P2RY1: variants seen among roughly 807,000 people sequenced by gnomAD.
P2RY1 encodes purinergic receptor P2Y1.
P2RY1 carries 14 observed loss-of-function variants against 22.8 expected under a neutral mutation model. The ratio of observed to expected loss-of-function variants is 0.61; its 90% CI spans 0.41 to 0.96. P2RY1 has a LOEUF of 0.96. P2RY1 is among the 40% of genes least tolerant of loss of function. The pLI is 0.00. For missense variants in P2RY1, 395 were observed against 470.3 expected (o/e 0.84, Z 1.48); for synonymous variants, 200 against 195.1 (o/e 1.03, Z -0.21).
At position 152,840,786 on chromosome 3, in the gene P2RY1, C is replaced by T. The variant is rs994312261; in HGVS notation, c.*3882C>T. 2.6e-5 allele frequency: 4 copies of T among 152,146 alleles called. No individual in the cohort carries two copies. Among genetic ancestry groups the T allele is most frequent in the Non-Finnish European group, 5.9e-5 (4 of 68,014 alleles). 9.4% of individuals were successfully genotyped at this position (152,146 alleles called of 1,614,324 possible). ...AGTAACACACTACCAGCGAGTTCAA[C>T]ACTGCTATTGATTTTAATCTGTTTT... is the stretch of plus-strand genomic sequence containing the variant. On this transcript the variant is annotated 3_prime_UTR_variant, in exon 1 of 1. Transcript: ENST00000305097.
Position 152,836,133 on chromosome 3 carries a change from G to A in P2RY1, c.351G>A (p.Trp117Ter). ...LIFYYFNKTD[W>*]IFGDAMCKLQ... is the part of the protein sequence containing the mutation. ...TCTACTACTTCAATAAAACAGACTG[G>A]ATCTTCGGGGATGCCATGTGTAAAC... The change falls in exon 1 of 1, where the codon TGG becomes TGA. Residue 117 changes from tryptophan (W) to a stop codon, truncating the protein, a stop_gained. Coordinates refer to ENST00000305097, the MANE Select transcript of P2RY1 (RefSeq NM_002563.5). LOFTEE classifies it high-confidence loss of function. The surrounding 1 kb of genome is among the most constrained non-coding windows in gnomAD (Gnocchi z 5.6). 6.2e-7 allele frequency: 1 copy of A among 1,614,136 alleles called. No homozygotes were observed. The highest frequency in any genetic ancestry group is 8.5e-7 in the Non-Finnish European group (1 of 1,180,028).
chr3:152,841,263 TTGTGTGTGTGTGTGTGTG>T lies in P2RY1; in HGVS notation c.*4377_*4394del, dbSNP rs56261476. On this transcript the variant is annotated 3_prime_UTR_variant, in exon 1 of 1. Transcript: ENST00000305097. ...TTTGCATGTAAGAGTATGCAAAACC[TTGTGTGTGTGTGTGTGTG>T]TGTGTGTGTGTGTGTGTCTTAGTGT... The T allele has an allele frequency of 6.9e-6, 1 of 145,882 alleles. No homozygotes were observed. Among genetic ancestry groups the T allele is most frequent in the African/African-American group, 2.5e-5 (1 of 39,998 alleles). The allele number at this position is 145,882 out of a possible 1,614,324, so 9.0% of individuals were successfully genotyped here. A position where few individuals can be genotyped will look rare whatever the true frequency, so the allele number is the denominator to read the frequency against.
Position 152,837,116 on chromosome 3 carries a change from A to T in P2RY1, c.*212A>T. ...GTCTCTCTTCCTTCTGACTAGAAGT[A>T]TGTATAATAAAACAATACTACCTAG... On this transcript the variant is annotated 3_prime_UTR_variant, in exon 1 of 1. Coordinates refer to ENST00000305097, the MANE Select transcript of P2RY1 (RefSeq NM_002563.5). 1 of 552,360 alleles carries T rather than the reference A, an allele frequency of 1.8e-6. No individual in the cohort carries two copies. The allele number at this position is 552,360 out of a possible 1,614,324, so 34.2% of individuals were successfully genotyped here.
rs1716261442 is a variant in P2RY1, at chr3:152,840,027, T to C, written c.*3123T>C. 1 of 152,176 alleles carries C rather than the reference T, an allele frequency of 6.6e-6. No homozygotes were observed. Among genetic ancestry groups the C allele is most frequent in the South Asian group, 2.1e-4 (1 of 4,822 alleles). The allele number at this position is 152,176 out of a possible 1,614,324, so 9.4% of individuals were successfully genotyped here. A position where few individuals can be genotyped will look rare whatever the true frequency, so the allele number is the denominator to read the frequency against. ...TGAAGCTTAAACTTTGCTGGTCAGG[T>C]TGTAGCTATTGTAAAAGTATTTATT... is the stretch of plus-strand genomic sequence containing the variant. On this transcript the variant is annotated 3_prime_UTR_variant, in exon 1 of 1. Transcript: ENST00000305097.
chr3:152,837,080 T>G lies in P2RY1; in HGVS notation c.*176T>G. On this transcript the variant is annotated 3_prime_UTR_variant, in exon 1 of 1. Transcript: ENST00000305097. ...ACATCCACACTTAGCTTGTTTGGGT[T>G]TGCTTTCACAGTCTCTCTTCCTTCT... The G allele has an allele frequency of 1.7e-6, 1 of 603,806 alleles. No homozygotes were observed. The highest frequency in any genetic ancestry group is 2.3e-5 in the South Asian group (1 of 44,206). The allele number at this position is 603,806 out of a possible 1,614,324, so 37.4% of individuals were successfully genotyped here. A position where few individuals can be genotyped will look rare whatever the true frequency, so the allele number is the denominator to read the frequency against.
rs1480952532 is a variant in P2RY1 at position 152,838,518 on chromosome 3, T to C, written c.*1614T>C. On this transcript the variant is annotated 3_prime_UTR_variant, in exon 1 of 1. Coordinates refer to ENST00000305097, the MANE Select transcript of P2RY1 (RefSeq NM_002563.5). ...GGTGGCATAACTTGTTTGAAAGCACTTTACAAGTAGAGCAACATGGGGCTG... is the reference window on the plus strand; with the variant it reads ...GGTGGCATAACTTGTTTGAAAGCACCTTACAAGTAGAGCAACATGGGGCTG... 1 of 152,204 alleles carries C rather than the reference T, an allele frequency of 6.6e-6. No individual in the cohort carries two copies. The highest frequency in any genetic ancestry group is 2.4e-5 in the African/African-American group (1 of 41,454). 9.4% of individuals were successfully genotyped at this position (152,204 alleles called of 1,614,324 possible).
Position 152,840,425 on chromosome 3 carries a change from G to A in P2RY1, c.*3521G>A, listed in dbSNP as rs1399792328. On this transcript the variant is annotated 3_prime_UTR_variant, in exon 1 of 1. Coordinates refer to ENST00000305097, the MANE Select transcript of P2RY1 (RefSeq NM_002563.5). Reference sequence around the variant, plus strand: ...TGAATATAAAATATCTTAGCCAAATGGGGTCTGTATTGTCTACATTTTATA... The same window carrying A: ...TGAATATAAAATATCTTAGCCAAATAGGGTCTGTATTGTCTACATTTTATA... The A allele has an allele frequency of 6.6e-6, 1 of 152,084 alleles. No homozygotes were observed. Among genetic ancestry groups the A allele is most frequent in the Non-Finnish European group, 1.5e-5 (1 of 67,998 alleles). 9.4% of individuals were successfully genotyped at this position (152,084 alleles called of 1,614,324 possible). A position where few individuals can be genotyped will look rare whatever the true frequency, so the allele number is the denominator to read the frequency against.
At position 152,836,949 on chromosome 3, in the gene P2RY1, A is replaced by T. The variant is rs778362503; in HGVS notation, c.*45A>T. The T allele has an allele frequency of 7.0e-7, 1 of 1,433,898 alleles. No individual in the cohort carries two copies. The highest frequency in any genetic ancestry group is 9.5e-7 in the Non-Finnish European group (1 of 1,051,988). 88.8% of individuals were successfully genotyped at this position (1,433,898 alleles called of 1,614,324 possible). A position where few individuals can be genotyped will look rare whatever the true frequency, so the allele number is the denominator to read the frequency against. The stretch of plus-strand genomic sequence containing the variant: ...CACCTCTCTGTTGTAATATGGTAGG[A>T]TGCTTAACAGAATCAAGTACTTTTC... On this transcript the variant is annotated 3_prime_UTR_variant, in exon 1 of 1. Coordinates refer to ENST00000305097, the MANE Select transcript of P2RY1 (RefSeq NM_002563.5). The surrounding 1 kb of genome is among the most constrained non-coding windows in gnomAD (Gnocchi z 5.6).
At position 152,835,752 on chromosome 3, in the gene P2RY1, C is replaced by T; in HGVS notation, c.-31C>T. On this transcript the variant is annotated 5_prime_UTR_variant, in exon 1 of 1. Transcript: ENST00000305097. ...TGCCCTCTCGCCGCCTCCTACCCCT[C>T]GGAGCCGCCGCCTAAGTCGAGGAGG... 5 of 1,541,836 alleles carry T rather than the reference C, an allele frequency of 3.2e-6. No individual in the cohort carries two copies. The South Asian group carries it at 4.9e-5, about 15-fold the overall frequency.
At position 152,835,788 on chromosome 3, in the gene P2RY1, C is replaced by G; in HGVS notation, c.6C>G (p.Thr2=). The G allele has an allele frequency of 6.3e-7, 1 of 1,599,544 alleles. No individual in the cohort carries two copies. Among genetic ancestry groups the G allele is most frequent in the Non-Finnish European group, 8.5e-7 (1 of 1,174,822 alleles). The change falls in exon 1 of 1, where the codon ACC becomes ACG. Residue 2 remains threonine (T), a synonymous_variant. Transcript: ENST00000305097. ...CCTAAGTCGAGGAGGAGAGAATGAC[C>G]GAGGTGCTGTGGCCGGCTGTCCCCA... M[T]EVLWPAVPNG...
rs1438742401 is a variant in P2RY1, at chr3:152,840,856, A to G, written c.*3952A>G. ...TTAAATTCCAAGTTTCATAGTGATA[A>G]TTGTATATTATTTGGCTGCTGAATT... On this transcript the variant is annotated 3_prime_UTR_variant, in exon 1 of 1. Coordinates refer to ENST00000305097, the MANE Select transcript of P2RY1 (RefSeq NM_002563.5). 1 of 152,026 alleles carries G rather than the reference A, an allele frequency of 6.6e-6. No homozygotes were observed. The highest frequency in any genetic ancestry group is 1.5e-5 in the Non-Finnish European group (1 of 67,988). 9.4% of individuals were successfully genotyped at this position (152,026 alleles called of 1,614,324 possible). A position where few individuals can be genotyped will look rare whatever the true frequency, so the allele number is the denominator to read the frequency against.
chr3:152,837,107 A>T lies in P2RY1; in HGVS notation c.*203A>T. 1.7e-6 allele frequency: 1 copy of T among 573,074 alleles called. No homozygotes were observed. The highest frequency in any genetic ancestry group is 3.2e-6 in the Non-Finnish European group (1 of 317,246). The allele number at this position is 573,074 out of a possible 1,614,324, so 35.5% of individuals were successfully genotyped here. On this transcript the variant is annotated 3_prime_UTR_variant, in exon 1 of 1. Coordinates refer to ENST00000305097, the MANE Select transcript of P2RY1 (RefSeq NM_002563.5). ...GCTTTCACAGTCTCTCTTCCTTCTGACTAGAAGTATGTATAATAAAACAAT... is the reference window on the plus strand; with the variant it reads ...GCTTTCACAGTCTCTCTTCCTTCTGTCTAGAAGTATGTATAATAAAACAAT...
At position 152,836,851 on chromosome 3, in the gene P2RY1, A is replaced by G. The variant is rs1429497361; in HGVS notation, c.1069A>G (p.Met357Val). The stretch of plus-strand genomic sequence containing the variant: ...AAATTTGCAATCCAAGAGTGAAGAC[A>G]TGACCCTCAATATTTTACCTGAGTT... The part of the protein sequence containing the change: ...EANLQSKSED[M>V]TLNILPEFKQ... The change falls in exon 1 of 1, where the codon ATG (methionine) becomes GTG (valine). Residue 357 changes from methionine to valine, a missense_variant. By Grantham distance (21) the Met-to-Val change is conservative. Coordinates refer to ENST00000305097, the MANE Select transcript of P2RY1 (RefSeq NM_002563.5). The surrounding 1 kb of genome is among the most constrained non-coding windows in gnomAD (Gnocchi z 5.6). The G allele has an allele frequency of 2.5e-6, 4 of 1,613,404 alleles. No individual in the cohort carries two copies. In the African/African-American group the frequency reaches 5.3e-5, roughly 22 times the overall value.
Position 152,840,193 on chromosome 3 carries a change from A to G in P2RY1, c.*3289A>G, listed in dbSNP as rs1489882335. On this transcript the variant is annotated 3_prime_UTR_variant, in exon 1 of 1. Coordinates refer to ENST00000305097, the MANE Select transcript of P2RY1 (RefSeq NM_002563.5). ...ATTTTACAAAATATATAATGCATAC[A>G]TAAATAAGAGTTGTATATTACAGTG... The G allele has an allele frequency of 6.6e-6, 1 of 152,208 alleles. No individual in the cohort carries two copies. The highest frequency in any genetic ancestry group is 1.9e-4 in the East Asian group (1 of 5,200). 9.4% of individuals were successfully genotyped at this position (152,208 alleles called of 1,614,324 possible).
At position 152,836,970 on chromosome 3, in the gene P2RY1, T is replaced by G; in HGVS notation, c.*66T>G. On this transcript the variant is annotated 3_prime_UTR_variant, in exon 1 of 1. Coordinates refer to ENST00000305097, the MANE Select transcript of P2RY1 (RefSeq NM_002563.5). The surrounding 1 kb of genome is among the most constrained non-coding windows in gnomAD (Gnocchi z 5.6). ...TAGGATGCTTAACAGAATCAAGTACTTTTCCCCTCTTTAACTTTCTAGTTT... is the reference window on the plus strand; with the variant it reads ...TAGGATGCTTAACAGAATCAAGTACGTTTCCCCTCTTTAACTTTCTAGTTT... 1 of 1,260,740 alleles carries G rather than the reference T, an allele frequency of 7.9e-7. No homozygotes were observed. Among genetic ancestry groups the G allele is most frequent in the Non-Finnish European group, 1.1e-6 (1 of 905,150 alleles). The allele number at this position is 1,260,740 out of a possible 1,614,324, so 78.1% of individuals were successfully genotyped here. A position where few individuals can be genotyped will look rare whatever the true frequency, so the allele number is the denominator to read the frequency against.
chr3:152,836,804 A>G lies in P2RY1; in HGVS notation c.1022A>G (p.Lys341Arg). The G allele has an allele frequency of 6.2e-7, 1 of 1,614,116 alleles. No homozygotes were observed. Among genetic ancestry groups the G allele is most frequent in the Non-Finnish European group, 8.5e-7 (1 of 1,180,026 alleles). Residue 341 changes from lysine (K) to arginine (R), a missense_variant, in exon 1 of 1, where the codon AAA becomes AGA. Lys to Arg is a conservative substitution (Grantham distance 26). Around this residue, in one of 3 missense-constraint regions of P2RY1, gnomAD observed 291 missense variants for 361.6 expected, o/e 0.80. Coordinates refer to ENST00000305097, the MANE Select transcript of P2RY1 (RefSeq NM_002563.5). This position sits in a 1 kb window ranked among gnomAD's most constrained non-coding sequence, Gnocchi z 5.6. The stretch of plus-strand genomic sequence containing the variant: ...AGGAGACTCTCCCGAGCCACAAGGA[A>G]AGCTTCTAGAAGAAGTGAGGCAAAT... ...FRRRLSRATR[K>R]ASRRSEANLQ...
Position 152,836,073 on chromosome 3 carries a change from C to T in P2RY1, c.291C>T (p.Asp97=). Residue 97 remains aspartate, a synonymous_variant, in exon 1 of 1, where the codon GAC becomes GAT. Transcript: ENST00000305097. This position sits in a 1 kb window ranked among gnomAD's most constrained non-coding sequence, Gnocchi z 5.6. The part of the protein sequence containing the change: ...SVYMFNLALA[D]FLYVLTLPAL... ...ACATGTTCAATTTGGCTCTGGCCGACTTCTTGTACGTGCTGACTCTGCCAG... is the reference window on the plus strand; with the variant it reads ...ACATGTTCAATTTGGCTCTGGCCGATTTCTTGTACGTGCTGACTCTGCCAG... The T allele has an allele frequency of 3.1e-6, 5 of 1,614,182 alleles. No individual in the cohort carries two copies. Among genetic ancestry groups the T allele is most frequent in the Non-Finnish European group, 4.2e-6 (5 of 1,180,044 alleles).
In P2RY1 at chr3:152,838,689, C is replaced by G. The variant is rs542957191; in HGVS notation, c.*1785C>G. 6.6e-6 allele frequency: 1 copy of G among 152,114 alleles called. No individual in the cohort carries two copies. Among genetic ancestry groups the G allele is most frequent in the Non-Finnish European group, 1.5e-5 (1 of 68,022 alleles). 9.4% of individuals were successfully genotyped at this position (152,114 alleles called of 1,614,324 possible). ...AGCTTCACTTTACCCAATCTCTGGC[C>G]ACTAAGATCAATGAAGAAAAGCTGT... On this transcript the variant is annotated 3_prime_UTR_variant, in exon 1 of 1. Coordinates refer to ENST00000305097, the MANE Select transcript of P2RY1 (RefSeq NM_002563.5).
In P2RY1 at chr3:152,835,834, C is replaced by T. The variant is rs200574590; in HGVS notation, c.52C>T (p.Leu18=). Residue 18 remains leucine (L), a synonymous_variant, in exon 1 of 1, where the codon CTG becomes TTG. Coordinates refer to ENST00000305097, the MANE Select transcript of P2RY1 (RefSeq NM_002563.5). Reference sequence around the variant, plus strand: ...CCCCAACGGGACGGACGCTGCCTTCCTGGCCGGTCCGGGTTCGTCCTGGGG... The same window carrying T: ...CCCCAACGGGACGGACGCTGCCTTCTTGGCCGGTCCGGGTTCGTCCTGGGG... The part of the protein sequence containing the change: ...AVPNGTDAAF[L]AGPGSSWGNS... 1.2e-6 allele frequency: 2 copies of T among 1,612,496 alleles called. No individual in the cohort carries two copies. Among genetic ancestry groups the T allele is most frequent in the Admixed American group, 1.7e-5 (1 of 60,032 alleles).
Sources: gnomAD v4.1 joint callset for allele counts on GRCh38, gnomAD v4.1.1 for gene constraint, gnomAD v4.1.1 regional missense constraint, Gnocchi (gnomAD v3.1) non-coding constraint, MANE v1.5 for transcripts, NCBI Gene and HGNC (gene_info 2026-07-23, HGNC 2026-07-21) for gene names.